ANK2: variants seen among roughly 807,000 people sequenced by gnomAD.
ANK2 encodes ankyrin 2, also known as ankyrin-2.
ANK2 carries 83 observed loss-of-function variants against 360.5 expected under a neutral mutation model. The observed-to-expected ratio is 0.23, with a 90% confidence interval of 0.19 to 0.28. ANK2 has a LOEUF of 0.28. ANK2 is among the 10% of genes least tolerant of loss of function. ANK2 has a pLI of 1.00. For synonymous variants in ANK2, 1,740 were observed against 1,759.5 expected, an observed-to-expected ratio of 0.99 and a Z score of 0.28; for missense variants, 4,201 against 4,795.7, an observed-to-expected ratio of 0.88 and a Z score of 3.66.
intron 14 of ANK2, among the ~76,000 whole-genome samples, chr4:113,268,693 A>G (rs1214297304): frequency 1.3e-5 from 2 of 152,080 alleles, no homozygotes; most frequent in Non-Finnish European, 2.9e-5. Context: ...CATCAGGGAT[A>G]TTGTCCTGAA....
chr4:112,712,609 G>T, the ANK2 span, among the ~76,000 whole-genome samples: 1 of 150,722 alleles, frequency 6.6e-6, no homozygotes, highest in Admixed American at 6.6e-5. Context: ...GGGTTTCACC[G>T]TGTTAGCCAG....
At chr4:112,790,546 G>GGT in the ANK2 span, among the ~76,000 whole-genome samples, 1 of 146,774 alleles carries the variant, frequency 6.8e-6, no homozygotes, top group African/African-American at 2.5e-5. Context: ...GGGGTGCAGT[G>GGT]GTGTGATCAT....
At chr4:113,282,598 A>G in intron 17 of ANK2, 77 bp from the exon 18 acceptor site, 2 of 1,336,940 alleles carry the variant, frequency 1.5e-6, no homozygotes, top group Non-Finnish European at 2.1e-6. Flanking sequence ...AGAGATTTTT[A>G]TTTCCTTTAG....
rs113317588 is a variant in ANK2, at chr4:112,962,649, A to G, written c.21+58135A>G. Among the ~76,000 whole-genome samples, 942 of 152,290 alleles carry G rather than the reference A, an allele frequency of 6.2e-3. 9 individuals are homozygous for G. The highest frequency in any genetic ancestry group is 0.021 in the African/African-American group (855 of 41,580). On this transcript the variant is annotated intron_variant, in intron 2 of 30. Coordinates refer to the ANK2 transcript ENST00000503271. ...CTCTCTACAGTGTCTAAACTAATCC[A>G]TATTCCCACTAACAGCGCATAAGTG... is the stretch of plus-strand genomic sequence containing the variant.
In ANK2 at chr4:113,021,519, C is replaced by T. The variant is rs559441140; in HGVS notation, c.21+117005C>T. ...TATGTATATATTATGTGTATATATA[C>T]ACACACACACCCACACACAAACATA... is the stretch of plus-strand genomic sequence containing the variant. On this transcript the variant is annotated intron_variant, in intron 2 of 30. Coordinates refer to the ANK2 transcript ENST00000503271. 1.3e-3 allele frequency among the ~76,000 whole-genome samples: 113 copies of T among 85,776 alleles called. 3 individuals carry two copies. The highest frequency in any genetic ancestry group is 4.6e-3 in the African/African-American group (97 of 21,104). The allele number at this position is 85,776 out of a possible 152,430, so 56.3% of individuals were successfully genotyped here.
the ANK2 span, among the ~76,000 whole-genome samples, chr4:112,810,608 A>G: frequency 5.9e-5 from 9 of 151,462 alleles, no homozygotes; most frequent in African/African-American, 1.9e-4. Flanking sequence ...CTGGAGTGCA[A>G]TGGTGCAATC....
chr4:112,887,084 C>A (rs1238107950), intron 1 of ANK2, among the ~76,000 whole-genome samples: 2 of 152,146 alleles, frequency 1.3e-5, no homozygotes, highest in African/African-American at 4.8e-5. Context: ...CTTTTGACTT[C>A]TCACTGGTTT....
At chr4:113,039,182 C>A (rs1018348841) in intron 2 of ANK2, among the ~76,000 whole-genome samples, 1 of 151,930 alleles carries the variant, frequency 6.6e-6, no homozygotes, top group East Asian at 1.9e-4. Flanking sequence ...TATTAATTCA[C>A]AAGAGTGATA....
chr4:113,356,266 G>C lies in ANK2; in HGVS notation c.7648G>C (p.Val2550Leu). 1.2e-6 allele frequency: 2 copies of C among 1,614,072 alleles called. No individual in the cohort carries two copies. Among genetic ancestry groups the C allele is most frequent in the Non-Finnish European group, 1.7e-6 (2 of 1,179,996 alleles). Residue 2550 changes from valine to leucine, a missense_variant, in exon 38 of 46, where the codon GTT (valine) becomes CTT (leucine). Val to Leu is a conservative substitution (Grantham distance 32). Transcript: ENST00000357077. ...CAGCTCTGAAGAAGTCAGCTATGAG[G>C]TTACACCCAAAACCACAGATGTAAG... ...TPSSEEVSYE[V>L]TPKTTDVSTP...
Position 113,358,499 on chromosome 4 carries a change from A to G in ANK2, c.9881A>G (p.Asn3294Ser). 6.2e-7 allele frequency: 1 copy of G among 1,614,096 alleles called. No homozygotes were observed. Among genetic ancestry groups the G allele is most frequent in the Non-Finnish European group, 8.5e-7 (1 of 1,179,968 alleles). ...GAGATTCCTACTGCACCCATGGAGA[A>G]TGTGCCTTTTACTGAAAGCAAATCC... ...VIEIPTAPME[N>S]VPFTESKSKI... Residue 3294 changes from asparagine (N) to serine (S), a missense_variant, in exon 38 of 46, where the codon AAT (asparagine) becomes AGT (serine). Transcript: ENST00000357077.
intron 2 of ANK2, among the ~76,000 whole-genome samples, chr4:112,973,851 C>T (rs1231999056): frequency 6.6e-6 from 1 of 152,146 alleles, no homozygotes; most frequent in Non-Finnish European, 1.5e-5. Flanking sequence ...AGCCACAGTC[C>T]ATCTGACTGG....
intron 1 of ANK2, among the ~76,000 whole-genome samples, chr4:112,897,303 T>G (rs1251018921): frequency 6.6e-6 from 1 of 152,216 alleles, no homozygotes; most frequent in East Asian, 1.9e-4. Flanking sequence ...ATTCCCTTTC[T>G]TTGTTCAATG....
intron 2 of ANK2, among the ~76,000 whole-genome samples, chr4:113,020,433 C>T (rs536253726): frequency 6.6e-5 from 10 of 152,116 alleles, no homozygotes; most frequent in South Asian, 2.1e-4. Context: ...TGGGCTCAAG[C>T]TATCTCCCCA....
At chr4:113,002,788 G>A (rs183552687) in intron 2 of ANK2, among the ~76,000 whole-genome samples, 24 of 152,274 alleles carry the variant, frequency 1.6e-4, no homozygotes, top group Admixed American at 1.4e-3. Flanking sequence ...CTTGTGAGTG[G>A]GTCCTTGTCC....
intron 2 of ANK2, among the ~76,000 whole-genome samples, chr4:112,941,618 TATGTAA>T (rs1365195005): frequency 6.9e-6 from 1 of 145,052 alleles, no homozygotes; most frequent in Non-Finnish European, 1.5e-5. Context: ...AGGATATAAA[TATGTAA>T]ATGTAAATAT....
At chr4:113,372,295 C>T (rs13115314) in intron 43 of ANK2, among the ~76,000 whole-genome samples, 11,495 of 152,120 alleles carry the variant, frequency 0.076, 621 homozygotes, top group Middle Eastern at 0.17. Context: ...GGTTCTCCAA[C>T]AGCTCTCAGA....
chr4:113,150,662 A>G (rs2097033401), intron 1 of ANK2, among the ~76,000 whole-genome samples: 4 of 152,214 alleles, frequency 2.6e-5, no homozygotes, highest in Admixed American at 2.6e-4. Flanking sequence ...AGAGTACTTC[A>G]GGATGACAAC....
At chr4:113,250,077 G>A (rs556023146) in intron 10 of ANK2, among the ~76,000 whole-genome samples, 1 of 152,132 alleles carries the variant, frequency 6.6e-6, no homozygotes, top group Non-Finnish European at 1.5e-5. Flanking sequence ...TCAAGTTTTT[G>A]TCTATATTTT....
At chr4:112,718,851 G>C in the ANK2 span, among the ~76,000 whole-genome samples, 1 of 152,084 alleles carries the variant, frequency 6.6e-6, no homozygotes. Context: ...TGGTCAGGCT[G>C]GTCTTGAACT....
Sources: allele counts gnomAD v4.1 joint callset (sites outside exome capture counted in the v4.1 genomes callset), GRCh38; gene constraint gnomAD v4.1.1; transcripts MANE v1.5; gene names NCBI Gene and HGNC (gene_info 2026-07-23, HGNC 2026-07-21).